Variants in TMEM209 observed in about 807,000 individuals in gnomAD.
TMEM209 encodes the protein transmembrane protein 209, also known as testicular tissue protein Li 202.
In TMEM209, 65 loss-of-function variants were observed where a neutral mutation model predicts 76.2. The observed-to-expected ratio is 0.85, with a 90% CI of 0.70 to 1.05. The LOEUF (loss-of-function observed/expected upper bound fraction) is 1.05, where lower values mean the gene tolerates loss of function less well. Among genes scored for constraint, TMEM209 ranks in the 50% least tolerant of loss-of-function variants. TMEM209 has a pLI of 0.00. For synonymous variants in TMEM209, 239 were observed against 237.6 expected (o/e 1.01, Z -0.06); for missense variants, 623 against 685.5 (o/e 0.91, Z 1.02).
intron 6 of TMEM209, among the ~76,000 whole-genome samples, chr7:130,189,865 C>T (rs1320537874): frequency 6.6e-6 from 1 of 152,096 alleles, no homozygotes; most frequent in East Asian, 1.9e-4. Flanking sequence ...GTGCCCAGTG[C>T]CCAGATAATA....
intron 11 of TMEM209, among the ~76,000 whole-genome samples, 190 bp from the exon 12 acceptor site, chr7:130,174,129 C>T (rs1797164298): frequency 6.6e-6 from 1 of 152,110 alleles, no homozygotes; most frequent in Admixed American, 6.5e-5. Context: ...GATAAAAACA[C>T]ATAGTTCAGG....
chr7:130,205,335 C>A, intron 1 of TMEM209, 38 bp downstream of exon 1: 3 of 1,613,912 alleles, frequency 1.9e-6, no homozygotes, highest in Non-Finnish European at 2.5e-6. Context: ...CGCGTAGATT[C>A]CAAGACAGGA....
At chr7:130,173,142 A>C (rs1056526228) in intron 13 of TMEM209, among the ~76,000 whole-genome samples, 3 of 152,082 alleles carry the variant, frequency 2.0e-5, no homozygotes, top group Non-Finnish European at 4.4e-5. Flanking sequence ...GGCCAGGTGC[A>C]CAGGACCAGC....
At position 130,175,582 on chromosome 7, in the gene TMEM209, G is replaced by A; in HGVS notation, c.1274C>T (p.Ser425Leu). Reference protein sequence around the residue: ...KELSQGGCMSSFRWNRGGDFK... With the variant: ...KELSQGGCMSLFRWNRGGDFK... ...GTCGCCACCTCTGTTCCATCGAAAT[G>A]AGCTCATACAACCTCCCTGAGATAG... is the stretch of plus-strand genomic sequence containing the variant. The change falls in exon 11 of 15, where the codon TCA becomes TTA. Residue 425 changes from serine to leucine, a missense_variant. Physicochemically the swap from Ser to Leu is moderately radical, Grantham distance 145 (BLOSUM62 -2). Transcript: ENST00000397622. The A allele has an allele frequency of 6.2e-7, 1 of 1,612,984 alleles. No homozygotes were observed.
Position 130,178,456 on chromosome 7 carries a change from C to A in TMEM209, c.1192G>T (p.Val398Phe). 1 of 1,613,616 alleles carries A rather than the reference C, an allele frequency of 6.2e-7. No individual in the cohort carries two copies. The highest frequency in any genetic ancestry group is 1.1e-5 in the South Asian group (1 of 91,038). Residue 398 changes from valine to phenylalanine, a missense_variant, in exon 10 of 15, where the codon GTT becomes TTT. Coordinates refer to ENST00000397622, the MANE Select transcript of TMEM209 (RefSeq NM_032842.4). Reference protein sequence around the residue: ...APLIPTLNTIVQYLDLTPNQE... With the variant: ...APLIPTLNTIFQYLDLTPNQE... ...TTTGGAGTAAGGTCTAGATACTGAACGATTGTGTTCAAAGTCGGAATGAGA... is the reference window on the plus strand; with the variant it reads ...TTTGGAGTAAGGTCTAGATACTGAAAGATTGTGTTCAAAGTCGGAATGAGA...
intron 7 of TMEM209, among the ~76,000 whole-genome samples, chr7:130,184,704 A>T (rs1797536338): frequency 6.6e-6 from 1 of 152,016 alleles, no homozygotes; most frequent in South Asian, 2.1e-4. Context: ...TGTTGGCCAG[A>T]TGGTCTCAAT....
chr7:130,189,477 G>A (rs548238035), intron 6 of TMEM209, among the ~76,000 whole-genome samples: 3 of 152,146 alleles, frequency 2.0e-5, no homozygotes, highest in East Asian at 1.9e-4. Context: ...GATTACAAGC[G>A]TGAGCCACTG....
intron 5 of TMEM209, among the ~76,000 whole-genome samples, chr7:130,197,201 C>T (rs1050871672): frequency 3.3e-5 from 5 of 152,188 alleles, no homozygotes; most frequent in Non-Finnish European, 5.9e-5. Flanking sequence ...CTGCAGCATT[C>T]GCTATTCCCA....
chr7:130,182,285 G>GA (rs567132212), intron 8 of TMEM209, among the ~76,000 whole-genome samples: 305 of 148,186 alleles, frequency 2.1e-3, no homozygotes, highest in Non-Finnish European at 2.7e-3. Flanking sequence ...TTTTTTTCCT[G>GA]AAAAAAAAAT....
chr7:130,194,798 A>G (rs768750803), intron 5 of TMEM209, among the ~76,000 whole-genome samples: 6 of 152,156 alleles, frequency 3.9e-5, no homozygotes, highest in Non-Finnish European at 8.8e-5. Flanking sequence ...TACTTATTTT[A>G]TTTAAATGTT....
intron 9 of TMEM209, among the ~76,000 whole-genome samples, chr7:130,181,269 G>C (rs1002270417): frequency 6.6e-6 from 1 of 152,190 alleles, no homozygotes; most frequent in Non-Finnish European, 1.5e-5. Flanking sequence ...CCTATCTATA[G>C]AGACAGAAAA....
intron 5 of TMEM209, among the ~76,000 whole-genome samples, chr7:130,197,974 C>T (rs931271007): frequency 5.9e-5 from 9 of 152,176 alleles, no homozygotes; most frequent in African/African-American, 2.2e-4. Context: ...ATGTAAAGTG[C>T]ACAACTCAAT....
chr7:130,182,822 C>A (rs1797467377), intron 8 of TMEM209, among the ~76,000 whole-genome samples: 1 of 152,084 alleles, frequency 6.6e-6, no homozygotes, highest in South Asian at 2.1e-4. Context: ...TTCTTGTAAT[C>A]CATGTAAGGA....
In TMEM209 at chr7:130,165,035, G is replaced by C. The variant is rs1322330593; in HGVS notation, c.*1416C>G. Reference sequence around the variant, plus strand: ...AAATTTGGAATTTACTAATTACTGGGGATACTTTAGTGAGTCTGCATATGT... The same window carrying C: ...AAATTTGGAATTTACTAATTACTGGCGATACTTTAGTGAGTCTGCATATGT... On this transcript the variant is annotated 3_prime_UTR_variant, in exon 15 of 15. Transcript: ENST00000397622. The C allele has an allele frequency of 6.6e-6, 1 of 152,054 alleles. No individual in the cohort carries two copies. Among genetic ancestry groups the C allele is most frequent in the Non-Finnish European group, 1.5e-5 (1 of 67,994 alleles). The allele number at this position is 152,054 out of a possible 1,614,324, so 9.4% of individuals were successfully genotyped here.
chr7:130,183,014 T>TA (rs1183286185), intron 8 of TMEM209, among the ~76,000 whole-genome samples: 1 of 152,202 alleles, frequency 6.6e-6, no homozygotes, highest in Admixed American at 6.5e-5. Context: ...ATGTATTGCT[T>TA]AAAAAAATCC....
chr7:130,204,466 C>A (rs895458428), intron 1 of TMEM209, among the ~76,000 whole-genome samples: 1 of 152,126 alleles, frequency 6.6e-6, no homozygotes, highest in African/African-American at 2.4e-5. Flanking sequence ...CTCAGACTCC[C>A]GAGTAGCTGG....
chr7:130,171,434 C>G (rs151323885), intron 13 of TMEM209, among the ~76,000 whole-genome samples: 105 of 151,518 alleles, frequency 6.9e-4, no homozygotes, highest in African/African-American at 2.1e-3. Flanking sequence ...GTTTTTAACT[C>G]AAGAATCTGA....
At chr7:130,172,716 A>C (rs978580000) in intron 13 of TMEM209, among the ~76,000 whole-genome samples, 1 of 152,114 alleles carries the variant, frequency 6.6e-6, no homozygotes, top group Non-Finnish European at 1.5e-5. Context: ...AAGTATTTTT[A>C]GGCCGGGCAT....
chr7:130,187,239 T>A (rs1797631056), intron 6 of TMEM209, among the ~76,000 whole-genome samples: 1 of 150,098 alleles, frequency 6.7e-6, no homozygotes, highest in African/African-American at 2.5e-5. Flanking sequence ...CTAGACTCTA[T>A]CTCAAAAACA....
Sources: gnomAD v4.1 joint callset for allele counts (sites outside exome capture counted in the v4.1 genomes callset) on GRCh38, gnomAD v4.1.1 for gene constraint, MANE v1.5 for transcripts, NCBI Gene and HGNC (gene_info 2026-07-23, HGNC 2026-07-21) for gene names.